Variants in RBFOX1 observed in about 807,000 individuals in gnomAD.
RBFOX1 encodes the protein RNA binding fox-1 homolog 1, also known as RNA binding protein fox-1 homolog 1.
Under a neutral mutation model 57.7 loss-of-function variants are expected in RBFOX1, and 8 were observed. That is an observed-to-expected ratio of 0.14 (90% confidence interval 0.08 to 0.25). The LOEUF (loss-of-function observed/expected upper bound fraction) is 0.25, where lower values mean the gene tolerates loss of function less well. RBFOX1 is among the 10% of genes least tolerant of loss of function. The pLI is 1.00. For synonymous variants in RBFOX1, 326 were observed against 222.4 expected (o/e 1.47, Z -4.15); for missense variants, 611 against 548.5 (o/e 1.11, Z -1.14).
chr16:6,342,181 C>T (rs888540422), intron 2 of RBFOX1, among the ~76,000 whole-genome samples: 28 of 152,224 alleles, frequency 1.8e-4, no homozygotes, highest in African/African-American at 5.8e-4. Context: ...GATCACTCTG[C>T]TGCAATGTGG....
intron 3 of RBFOX1, among the ~76,000 whole-genome samples, chr16:5,640,252 C>T (rs778502184): frequency 1.3e-5 from 2 of 152,164 alleles, no homozygotes; most frequent in East Asian, 1.9e-4. Flanking sequence ...GGACATTTTG[C>T]AGGAGCGTTC....
At chr16:6,777,780 C>G (rs1317272378) in intron 3 of RBFOX1, among the ~76,000 whole-genome samples, 1 of 152,064 alleles carries the variant, frequency 6.6e-6, no homozygotes, top group Admixed American at 6.5e-5. Context: ...TGAGAAAACA[C>G]AAGGGGAGGT....
chr16:5,814,042 A>C (rs541787739), intron 3 of RBFOX1, among the ~76,000 whole-genome samples: 1 of 152,350 alleles, frequency 6.6e-6, no homozygotes, highest in East Asian at 1.9e-4. Flanking sequence ...GGTAATAGTA[A>C]TAGTAGTTAT....
chr16:7,001,835 T>C (rs2092836398), intron 3 of RBFOX1, among the ~76,000 whole-genome samples: 1 of 152,282 alleles, frequency 6.6e-6, no homozygotes, highest in East Asian at 1.9e-4. Flanking sequence ...TTTATTATTA[T>C]TACTTTAACT....
At chr16:7,315,455 T>TCCCCC (rs2096414031) in intron 4 of RBFOX1, among the ~76,000 whole-genome samples, 28 of 114,008 alleles carry the variant, frequency 2.5e-4, no homozygotes, top group Non-Finnish European at 4.1e-4. Context: ...TACTCTACCC[T>TCCCCC]ACCCCCCCCC....
At chr16:5,934,555 A>G (rs1271447687) in intron 4 of RBFOX1, among the ~76,000 whole-genome samples, 2 of 152,220 alleles carry the variant, frequency 1.3e-5, no homozygotes, top group Non-Finnish European at 2.9e-5. Context: ...TGAGGCCTGC[A>G]GTATGGACAG....
At chr16:7,527,799 A>T (rs755805761) in intron 5 of RBFOX1, among the ~76,000 whole-genome samples, 1 of 152,224 alleles carries the variant, frequency 6.6e-6, no homozygotes, top group Non-Finnish European at 1.5e-5. Context: ...TGAAATAATT[A>T]CAGTACCCAT....
intron 3 of RBFOX1, among the ~76,000 whole-genome samples, chr16:7,031,651 G>T (rs1214062470): frequency 6.6e-6 from 1 of 152,064 alleles, no homozygotes; most frequent in South Asian, 2.1e-4. Flanking sequence ...ACATCGGGCA[G>T]ATGTGATGAA....
chr16:6,455,964 C>G (rs1339832101), intron 2 of RBFOX1, among the ~76,000 whole-genome samples: 1 of 151,966 alleles, frequency 6.6e-6, no homozygotes, highest in African/African-American at 2.4e-5. Flanking sequence ...GAATCTTAGA[C>G]TAAAGCTAGC....
chr16:6,056,906 G>A (rs915553810), intron 1 of RBFOX1: 34 of 151,028 alleles, frequency 2.3e-4, no homozygotes, highest in African/African-American at 8.3e-4. Flanking sequence ...AAGACGGAGT[G>A]CAGATTAATA....
chr16:6,544,954 G>A (rs2096874824), intron 2 of RBFOX1, among the ~76,000 whole-genome samples: 2 of 152,120 alleles, frequency 1.3e-5, no homozygotes, highest in South Asian at 2.1e-4. Flanking sequence ...AGAGGATTAG[G>A]CAAAGGGTGA....
Position 7,253,070 on chromosome 16 carries a change from T to C in RBFOX1, c.27+200972T>C, listed in dbSNP as rs2094550892. 2.0e-5 allele frequency among the ~76,000 whole-genome samples: 3 copies of C among 152,234 alleles called. 1 individual carries two copies. The highest frequency in any genetic ancestry group is 3.8e-4 in the East Asian group (2 of 5,202). On this transcript the variant is annotated intron_variant, in intron 4 of 15. Coordinates refer to ENST00000550418, the MANE Select transcript of RBFOX1 (RefSeq NM_018723.4). Reference sequence around the variant, plus strand: ...TCCATCTTTTTCATTTACGCTCTTATAATTACCTTTAAACACAGCATCACT... The same window carrying C: ...TCCATCTTTTTCATTTACGCTCTTACAATTACCTTTAAACACAGCATCACT...
At chr16:6,998,164 T>C (rs936468681) in intron 3 of RBFOX1, among the ~76,000 whole-genome samples, 4 of 152,138 alleles carry the variant, frequency 2.6e-5, no homozygotes, top group African/African-American at 9.7e-5. Context: ...GAGTGTAAAA[T>C]GAAAGCAGCC....
chr16:7,169,625 T>G (rs1179921970), intron 4 of RBFOX1, among the ~76,000 whole-genome samples: 1 of 152,184 alleles, frequency 6.6e-6, no homozygotes, highest in African/African-American at 2.4e-5. Flanking sequence ...CATTTACCAG[T>G]GAAGAAACAG....
intron 5 of RBFOX1, among the ~76,000 whole-genome samples, chr16:7,558,702 G>C (rs1346875485): frequency 2.0e-5 from 3 of 152,072 alleles, no homozygotes; most frequent in African/African-American, 4.8e-5. Context: ...AGCTACCCCA[G>C]GCTGACAAAA....
intron 1 of RBFOX1, among the ~76,000 whole-genome samples, chr16:6,161,964 C>A (rs892112822): frequency 1.3e-5 from 2 of 152,222 alleles, no homozygotes; most frequent in Non-Finnish European, 2.9e-5. Context: ...CAGTCCTTCA[C>A]AGCCAACTAA....
chr16:5,426,194 G>A (rs187605502), intron 1 of RBFOX1, among the ~76,000 whole-genome samples: 3 of 152,228 alleles, frequency 2.0e-5, no homozygotes, highest in East Asian at 3.9e-4. Context: ...GTGCAATTGC[G>A]GGGCACGTTT....
intron 1 of RBFOX1, among the ~76,000 whole-genome samples, chr16:6,123,329 A>G (rs938775843): frequency 6.6e-6 from 1 of 152,266 alleles, no homozygotes; most frequent in African/African-American, 2.4e-5. Flanking sequence ...CCATTATAAC[A>G]TAATAAAATT....
At chr16:5,331,638 G>A (rs1483539248) in intron 1 of RBFOX1, among the ~76,000 whole-genome samples, 1 of 152,262 alleles carries the variant, frequency 6.6e-6, no homozygotes, top group Non-Finnish European at 1.5e-5. Flanking sequence ...AAATCAAAGG[G>A]TGGAGAAATA....
Sources: allele counts gnomAD v4.1 joint callset (sites outside exome capture counted in the v4.1 genomes callset), GRCh38; gene constraint gnomAD v4.1.1; transcripts MANE v1.5; gene names NCBI Gene and HGNC (gene_info 2026-07-23, HGNC 2026-07-21).